PLD5: variants seen among roughly 807,000 people sequenced by gnomAD.
PLD5 encodes inactive phospholipase D5.
A neutral mutation model predicts 61.1 loss-of-function variants in PLD5; 36 were observed. The ratio of observed to expected loss-of-function variants is 0.59; its 90% CI spans 0.45 to 0.78. PLD5 has a LOEUF of 0.78. PLD5 is among the 30% of genes least tolerant of loss of function. The probability of loss-of-function intolerance (pLI) is 0.00; values close to 1 mark genes in which losing one functional copy is unlikely to be tolerated. For synonymous variants in PLD5, 243 were observed against 242.8 expected (o/e 1.00, Z -0.01); for missense variants, 515 against 644.4 (o/e 0.80, Z 2.17).
At chr1:242,395,167 A>T (rs78650084) in intron 1 of PLD5, among the ~76,000 whole-genome samples, 83,954 of 149,406 alleles carry the variant, frequency 0.56, 24,051 homozygotes, top group Admixed American at 0.67. Flanking sequence ...TAAAATTTTT[A>T]AAAATGTACT....
intron 4 of PLD5, among the ~76,000 whole-genome samples, chr1:242,238,722 A>C (rs1440912960): frequency 6.6e-6 from 1 of 152,222 alleles, no homozygotes; most frequent in African/African-American, 2.4e-5. Context: ...TAAAAAAATC[A>C]ATTTCTGAGA....
At chr1:242,424,708 G>A (rs1311051096) in intron 1 of PLD5, among the ~76,000 whole-genome samples, 9 of 152,150 alleles carry the variant, frequency 5.9e-5, no homozygotes, top group East Asian at 1.9e-4. Flanking sequence ...ACTGCTTTTC[G>A]AAAGCTGGAG....
intron 4 of PLD5, among the ~76,000 whole-genome samples, chr1:242,249,941 G>A (rs540943784): frequency 2.0e-5 from 3 of 152,126 alleles, no homozygotes; most frequent in South Asian, 4.2e-4. Context: ...CAAAATGCTC[G>A]TACCATCAAT....
chr1:242,226,845 AAT>A (rs1281974351), intron 4 of PLD5, among the ~76,000 whole-genome samples: 5 of 152,326 alleles, frequency 3.3e-5, no homozygotes, highest in African/African-American at 1.2e-4. Context: ...TAGTAACCAA[AAT>A]ATCGTACTTT....
chr1:242,123,496 G>T (rs180972490), intron 6 of PLD5, among the ~76,000 whole-genome samples: 9 of 151,904 alleles, frequency 5.9e-5, no homozygotes, highest in African/African-American at 2.2e-4. Flanking sequence ...ATTCACACTC[G>T]CTTACACTGG....
intron 1 of PLD5, among the ~76,000 whole-genome samples, chr1:242,381,165 T>C (rs1487868189): frequency 1.3e-5 from 2 of 152,216 alleles, no homozygotes; most frequent in African/African-American, 4.8e-5. Flanking sequence ...CCATCAATGA[T>C]AGACTGGATA....
intron 1 of PLD5, among the ~76,000 whole-genome samples, chr1:242,450,004 C>T (rs1666717865): frequency 6.6e-6 from 1 of 152,172 alleles, no homozygotes; most frequent in Non-Finnish European, 1.5e-5. Context: ...GTGTAAGGTG[C>T]ACAGCTTTAG....
chr1:242,444,888 C>T (rs1267740155), intron 1 of PLD5, among the ~76,000 whole-genome samples: 1 of 151,504 alleles, frequency 6.6e-6, no homozygotes, highest in East Asian at 1.9e-4. Context: ...GAGATGAGAC[C>T]TATAGCCTGT....
chr1:242,508,464 G>T (rs112497737), intron 1 of PLD5, among the ~76,000 whole-genome samples: 1 of 152,082 alleles, frequency 6.6e-6, no homozygotes, highest in East Asian at 1.9e-4. Flanking sequence ...ACTCTTTCAG[G>T]GTTGCCATAT....
chr1:242,190,211 T>A (rs1008565234), intron 5 of PLD5, among the ~76,000 whole-genome samples: 11 of 132,288 alleles, frequency 8.3e-5, no homozygotes, highest in African/African-American at 3.2e-4. Context: ...AGTGGCAGGA[T>A]CTCTGCTCAC....
At chr1:242,144,651 C>G (rs556299788) in intron 5 of PLD5, among the ~76,000 whole-genome samples, 1 of 152,046 alleles carries the variant, frequency 6.6e-6, no homozygotes, top group African/African-American at 2.4e-5. Context: ...TGTGGTGGCA[C>G]GTGCCTGTGG....
At chr1:242,334,007 A>T (rs889917345) in intron 2 of PLD5, among the ~76,000 whole-genome samples, 1 of 152,304 alleles carries the variant, frequency 6.6e-6, no homozygotes, top group African/African-American at 2.4e-5. Flanking sequence ...TCTTTTCGAC[A>T]TATACCCAGT....
chr1:242,124,663 C>T lies in PLD5; in HGVS notation c.738G>A (p.Met246Ile). 1 of 1,611,258 alleles carries T rather than the reference C, an allele frequency of 6.2e-7. No individual in the cohort carries two copies. The highest frequency in any genetic ancestry group is 1.1e-5 in the South Asian group (1 of 90,640). Residue 246 changes from methionine (M) to isoleucine (I), a missense_variant and splice_region_variant, in exon 6 of 10, where the codon ATG (methionine) becomes ATA (isoleucine). Met to Ile is a conservative substitution (Grantham distance 10). This residue lies in a region of PLD5 where 450 missense variants were observed against 598.1 expected (regional missense o/e 0.75). Transcript: ENST00000536534. ...TGTAGAAGATGACACCGAGTTCTTT[C>T]ATCTGTGAAATTAAAATTGAAAGCA... ...AGLDWQSLGQ[M>I]KELGVIFYNC...
intron 3 of PLD5, among the ~76,000 whole-genome samples, chr1:242,286,414 A>C (rs145750753): frequency 6.6e-6 from 1 of 152,166 alleles, no homozygotes; most frequent in Non-Finnish European, 1.5e-5. Context: ...GTGGGCAGCA[A>C]ACCATAAAGA....
At chr1:242,216,851 T>A (rs778761400) in intron 5 of PLD5, among the ~76,000 whole-genome samples, 6 of 152,228 alleles carry the variant, frequency 3.9e-5, no homozygotes, top group Non-Finnish European at 8.8e-5. Flanking sequence ...TCATAGGACA[T>A]GCTGACTCTG....
At chr1:242,196,321 G>C (rs114681622) in intron 5 of PLD5, among the ~76,000 whole-genome samples, 2 of 152,120 alleles carry the variant, frequency 1.3e-5, no homozygotes, top group Non-Finnish European at 2.9e-5. Context: ...ATGGTGGGTC[G>C]GGAGTAGTGC....
intron 3 of PLD5, among the ~76,000 whole-genome samples, chr1:242,285,191 C>G (rs886461645): frequency 3.3e-5 from 5 of 152,194 alleles, no homozygotes; most frequent in Admixed American, 2.0e-4. Flanking sequence ...TAAGTGTTAT[C>G]ATCTTTCTAC....
chr1:242,399,849 G>T (rs1250118226), intron 1 of PLD5, among the ~76,000 whole-genome samples: 1 of 150,956 alleles, frequency 6.6e-6, no homozygotes, highest in African/African-American at 2.4e-5. Flanking sequence ...AACTGTGTAG[G>T]CGAGGGATCT....
At chr1:242,332,654 A>G (rs1659256267) in intron 2 of PLD5, among the ~76,000 whole-genome samples, 1 of 152,184 alleles carries the variant, frequency 6.6e-6, no homozygotes, top group Non-Finnish European at 1.5e-5. Flanking sequence ...CTTTCAAAAC[A>G]TAACAATACA....
Sources: gnomAD v4.1 joint callset for allele counts (sites outside exome capture counted in the v4.1 genomes callset) on GRCh38, gnomAD v4.1.1 for gene constraint, gnomAD v4.1.1 regional missense constraint, MANE v1.5 for transcripts, NCBI Gene and HGNC (gene_info 2026-07-23, HGNC 2026-07-21) for gene names.